WWC2: variants seen among roughly 807,000 people sequenced by gnomAD.
WWC2 encodes the protein WW and C2 domain containing 2, also known as protein WWC2.
WWC2 carries 101 observed loss-of-function variants against 138.5 expected under a neutral mutation model. The ratio of observed to expected loss-of-function variants is 0.73; its 90% CI spans 0.62 to 0.86. The LOEUF is 0.86. WWC2 is among the 40% of genes least tolerant of loss of function. The pLI is 0.00. For missense variants in WWC2, 1,420 were observed against 1,419.4 expected, an observed-to-expected ratio of 1.00 and a Z score of -0.01; for synonymous variants, 558 against 538.4, an observed-to-expected ratio of 1.04 and a Z score of -0.50.
rs780616184 is a variant in WWC2, at chr4:183,208,030, G to T, written c.319G>T (p.Ala107Ser). 28 of 1,613,718 alleles carry T rather than the reference G, an allele frequency of 1.7e-5. No homozygotes were observed. The highest frequency in any genetic ancestry group is 2.1e-5 in the Non-Finnish European group (25 of 1,179,810). ...GATGCTCAAGGACTACCTCTCTGTG[G>T]CACAGGATGCCCTCCGGACACAGAA... ...EKMLKDYLSVAQDALRTQKEL... is the reference protein window; with the variant it reads ...EKMLKDYLSVSQDALRTQKEL... Residue 107 changes from alanine to serine, a missense_variant, in exon 3 of 23, where the codon GCA becomes TCA. Coordinates refer to ENST00000403733, the MANE Select transcript of WWC2 (RefSeq NM_024949.6).
intron 1 of WWC2, among the ~76,000 whole-genome samples, chr4:183,163,109 A>G (rs1028582496): frequency 3.3e-5 from 5 of 152,210 alleles, no homozygotes; most frequent in African/African-American, 1.2e-4. Context: ...GAACCCATAA[A>G]GGGGAAAAAC....
chr4:183,281,303 A>G, intron 17 of WWC2: 1 of 208,282 alleles, frequency 4.8e-6, no homozygotes, highest in Non-Finnish European at 9.5e-6. Flanking sequence ...TTAAAAAACA[A>G]CTTCTGAGTA....
At chr4:183,276,005 A>G (rs1219921031) in intron 16 of WWC2, among the ~76,000 whole-genome samples, 1 of 152,118 alleles carries the variant, frequency 6.6e-6, no homozygotes, top group African/African-American at 2.4e-5. Context: ...TAAATTTAGC[A>G]TTTACCTTTA....
Position 183,282,797 on chromosome 4 carries a change from A to T in WWC2, c.2774A>T (p.Asp925Val). 1.9e-6 allele frequency: 3 copies of T among 1,585,222 alleles called. No homozygotes were observed. The highest frequency in any genetic ancestry group is 2.3e-5 in the South Asian group (2 of 86,426). The change falls in exon 18 of 23, where the codon GAT becomes GTT. Residue 925 changes from aspartate to valine, a missense_variant. Transcript: ENST00000403733. ...CCAGAGGACAGTAGCTGTACAGAAG[A>T]TTTAAGTTCATGCACTAGTGTGCCT... ...KLPEDSSCTE[D>V]LSSCTSVPEM... is the part of the protein sequence containing the mutation.
chr4:183,182,795 A>T (rs1240299989), intron 1 of WWC2, among the ~76,000 whole-genome samples: 1 of 152,254 alleles, frequency 6.6e-6, no homozygotes, highest in Non-Finnish European at 1.5e-5. Context: ...GTCAGGAAAC[A>T]TATGTATCAA....
chr4:183,195,016 T>C (rs1735097011), intron 2 of WWC2, among the ~76,000 whole-genome samples: 1 of 152,234 alleles, frequency 6.6e-6, no homozygotes, highest in African/African-American at 2.4e-5. Flanking sequence ...GATTGTGTTT[T>C]TAAGTTAGCT....
chr4:183,191,915 A>G (rs528665507), intron 1 of WWC2, among the ~76,000 whole-genome samples: 1 of 152,122 alleles, frequency 6.6e-6, no homozygotes, highest in Admixed American at 6.6e-5. Context: ...TTTTAGAGAC[A>G]GGGTCTCACT....
intron 1 of WWC2, among the ~76,000 whole-genome samples, chr4:183,108,311 A>G (rs1732110173): frequency 1.3e-5 from 2 of 152,146 alleles, no homozygotes; most frequent in South Asian, 4.1e-4. Flanking sequence ...ATGTGGTGAC[A>G]ATGGCATTTT....
rs887106752 is a variant in WWC2, at chr4:183,316,517, C to G, written c.*788C>G. ...AAATGAGCAGCTGGTTTGTCTCACT[C>G]AGCCTGAATTTGCATTAAGTGTTCA... On this transcript the variant is annotated 3_prime_UTR_variant, in exon 23 of 23. Transcript: ENST00000403733. 1.3e-5 allele frequency: 2 copies of G among 152,184 alleles called. No individual in the cohort carries two copies. The highest frequency in any genetic ancestry group is 4.8e-5 in the African/African-American group (2 of 41,442). 9.4% of individuals were successfully genotyped at this position (152,184 alleles called of 1,614,324 possible).
At chr4:183,246,294 G>A (rs1001728171) in intron 6 of WWC2, among the ~76,000 whole-genome samples, 7 of 151,814 alleles carry the variant, frequency 4.6e-5, no homozygotes, top group African/African-American at 1.2e-4. Context: ...TTCTTATTTC[G>A]TATATTTGGA....
intron 11 of WWC2, among the ~76,000 whole-genome samples, chr4:183,262,383 C>A (rs1465598848): frequency 6.6e-6 from 1 of 152,180 alleles, no homozygotes; most frequent in Admixed American, 6.5e-5. Context: ...TTTTACTGAC[C>A]ACACAAAACA....
chr4:183,154,568 A>G (rs1433895810), intron 1 of WWC2, among the ~76,000 whole-genome samples: 2 of 152,186 alleles, frequency 1.3e-5, no homozygotes, highest in Non-Finnish European at 2.9e-5. Flanking sequence ...CTATAACCAA[A>G]TGGCTACATC....
chr4:183,265,544 C>A, intron 12 of WWC2, 144 bp from the exon 13 acceptor site: 1 of 857,342 alleles, frequency 1.2e-6, no homozygotes, highest in Non-Finnish European at 1.8e-6. Flanking sequence ...AAACAGTAAG[C>A]TTTCGCTGGG....
intron 1 of WWC2, among the ~76,000 whole-genome samples, chr4:183,168,656 T>C (rs1163930479): frequency 3.3e-5 from 5 of 152,102 alleles, no homozygotes; most frequent in African/African-American, 9.7e-5. Flanking sequence ...ATGGAACTTA[T>C]CATTCCGTCC....
intron 1 of WWC2, among the ~76,000 whole-genome samples, chr4:183,148,146 C>T (rs759286794): frequency 2.6e-5 from 4 of 152,166 alleles, no homozygotes; most frequent in Admixed American, 6.5e-5. Context: ...ACCTTAGGAA[C>T]GCACGTTTTC....
rs924945232 is a variant in WWC2, at chr4:183,289,293, G to C, written c.3142-100G>C. ...CCCCTTAGGCCCTGGCTTCTAGGGT[G>C]CAAGGAAGCACCATCCATCATGCGC... On this transcript the variant is annotated intron_variant, in intron 20 of 22. Transcript: ENST00000403733. 1.2e-5 allele frequency: 18 copies of C among 1,490,426 alleles called. No individual in the cohort carries two copies. The African/African-American group carries it at 2.1e-4, about 17-fold the overall frequency. 92.3% of individuals were successfully genotyped at this position (1,490,426 alleles called of 1,614,324 possible).
At chr4:183,241,332 G>T (rs1273271952) in intron 5 of WWC2, among the ~76,000 whole-genome samples, 1 of 152,194 alleles carries the variant, frequency 6.6e-6, no homozygotes, top group Non-Finnish European at 1.5e-5. Context: ...CAAGCAGCAA[G>T]CCCCTTTAAA....
chr4:183,204,551 T>C (rs971095075), intron 2 of WWC2, among the ~76,000 whole-genome samples: 1 of 152,342 alleles, frequency 6.6e-6, no homozygotes, highest in South Asian at 2.1e-4. Flanking sequence ...TTTCTCTTTA[T>C]CAGTCATCAT....
rs145358945 is a variant in WWC2 at position 183,199,355 on chromosome 4, G to A, written c.241+5647G>A. Among the ~76,000 whole-genome samples the A allele has an allele frequency of 1.4e-3, 212 of 152,230 alleles. 1 individual carries two copies. The highest frequency in any genetic ancestry group is 4.9e-3 in the African/African-American group (204 of 41,540). ...TGTACTCTTTTCAGCCAGAAGAAAC[G>A]CATTTGTCTCTAAACTGCCATGGTA... On this transcript the variant is annotated intron_variant, in intron 2 of 22. Transcript: ENST00000403733.
Sources: gnomAD v4.1 joint callset for allele counts (sites outside exome capture counted in the v4.1 genomes callset) on GRCh38, gnomAD v4.1.1 for gene constraint, MANE v1.5 for transcripts, NCBI Gene and HGNC (gene_info 2026-07-23, HGNC 2026-07-21) for gene names.